The following ZNF710 variants were observed in gnomAD, a reference collection of about 807,000 sequenced individuals.
ZNF710 encodes the protein zinc finger protein 710.
A neutral mutation model predicts 50.6 loss-of-function variants in ZNF710; 13 were observed. That is an observed-to-expected ratio of 0.26 (90% CI 0.17 to 0.41). The LOEUF (loss-of-function observed/expected upper bound fraction) is 0.41, where lower values mean the gene tolerates loss of function less well. Ranked by LOEUF, ZNF710 falls within the 10% of genes least tolerant of loss-of-function variation. The pLI, the probability that ZNF710 is intolerant of heterozygous loss-of-function variation, is 1.00. For missense variants in ZNF710, 721 were observed against 936.6 expected, an observed-to-expected ratio of 0.77 and a Z score of 3.01; for synonymous variants, 383 against 397.0, an observed-to-expected ratio of 0.96 and a Z score of 0.42.
chr15:90,016,303 C>T (rs1173403902), intron 1 of ZNF710, among the ~76,000 whole-genome samples: 3 of 152,034 alleles, frequency 2.0e-5, no homozygotes, highest in Non-Finnish European at 4.4e-5. Context: ...ATTTTTAGAC[C>T]GAGAAACTGA....
chr15:90,081,310 C>G lies in ZNF710; in HGVS notation c.*1481C>G, dbSNP rs936535556. The G allele has an allele frequency of 6.6e-6, 1 of 152,142 alleles. No homozygotes were observed. Among genetic ancestry groups the G allele is most frequent in the Non-Finnish European group, 1.5e-5 (1 of 68,136 alleles). The allele number at this position is 152,142 out of a possible 1,614,324, so 9.4% of individuals were successfully genotyped here. On this transcript the variant is annotated 3_prime_UTR_variant, in exon 5 of 5. Coordinates refer to ENST00000268154, the MANE Select transcript of ZNF710 (RefSeq NM_198526.4). The stretch of plus-strand genomic sequence containing the variant: ...CAGTGAAATAGCACATTCAGGAACT[C>G]TAGGGCACCCGGACCCCCCCACCCA...
chr15:90,011,361 G>A lies in ZNF710; in HGVS notation c.-29+9747G>A, dbSNP rs143659994. ...TGGCCTCAACCCATGCTCCTGCCACGGCCTCCCAGAGTGTTGGGATTACAG... is the reference window on the plus strand; with the variant it reads ...TGGCCTCAACCCATGCTCCTGCCACAGCCTCCCAGAGTGTTGGGATTACAG... On this transcript the variant is annotated intron_variant, in intron 1 of 4. Coordinates refer to ENST00000268154, the MANE Select transcript of ZNF710 (RefSeq NM_198526.4). 3.3e-3 allele frequency among the ~76,000 whole-genome samples: 496 copies of A among 152,272 alleles called. 10 individuals are homozygous for A. Among genetic ancestry groups the A allele is most frequent in the Admixed American group, 0.025 (387 of 15,284 alleles).
intron 1 of ZNF710, among the ~76,000 whole-genome samples, chr15:90,007,392 G>C (rs1898166241): frequency 6.6e-6 from 1 of 151,988 alleles, no homozygotes; most frequent in Non-Finnish European, 1.5e-5. Context: ...TGAAATCAGG[G>C]GTCCTGGACT....
At chr15:90,008,746 A>C (rs1898221400) in intron 1 of ZNF710, among the ~76,000 whole-genome samples, 1 of 151,128 alleles carries the variant, frequency 6.6e-6, no homozygotes, top group African/African-American at 2.4e-5. Context: ...GCCTCAGTGT[A>C]CTCCAGCCTG....
chr15:90,053,640 G>T (rs1210721231), intron 1 of ZNF710, among the ~76,000 whole-genome samples: 1 of 152,174 alleles, frequency 6.6e-6, no homozygotes, highest in Non-Finnish European at 1.5e-5. Flanking sequence ...GCGCCAGTCA[G>T]CAGTGAATTC....
At chr15:90,055,756 T>C (rs12593037) in intron 1 of ZNF710, among the ~76,000 whole-genome samples, 56,687 of 152,100 alleles carry the variant, frequency 0.37, 14,145 homozygotes, top group East Asian at 0.74. Flanking sequence ...AGGCAAACAG[T>C]CTGGTGGGAG....
intron 1 of ZNF710, among the ~76,000 whole-genome samples, chr15:90,048,075 G>A (rs143884514): frequency 6.6e-6 from 1 of 152,248 alleles, no homozygotes; most frequent in African/African-American, 2.4e-5. Context: ...GCTGAAAGTT[G>A]GCCCAGGTTG....
chr15:90,032,505 C>T lies in ZNF710; in HGVS notation c.-29+30891C>T, dbSNP rs139110433. 1.6e-3 allele frequency among the ~76,000 whole-genome samples: 250 copies of T among 151,884 alleles called. 1 individual carries two copies. Among genetic ancestry groups the T allele is most frequent in the African/African-American group, 5.8e-3 (241 of 41,432 alleles). On this transcript the variant is annotated intron_variant, in intron 1 of 4. Coordinates refer to ENST00000268154, the MANE Select transcript of ZNF710 (RefSeq NM_198526.4). ...AAGAATGTGTGTTTGGGGCTGGGCACGGTGGCTCATGCCTGCAATCACAGC... is the reference window on the plus strand; with the variant it reads ...AAGAATGTGTGTTTGGGGCTGGGCATGGTGGCTCATGCCTGCAATCACAGC...
At chr15:90,011,322 T>A (rs1898297705) in intron 1 of ZNF710, among the ~76,000 whole-genome samples, 2 of 152,240 alleles carry the variant, frequency 1.3e-5, no homozygotes, top group African/African-American at 4.8e-5. Context: ...TTGCCCAGGC[T>A]GGTCTCGAAC....
At chr15:90,042,426 TC>T (rs1375604241) in intron 1 of ZNF710, among the ~76,000 whole-genome samples, 2 of 146,818 alleles carry the variant, frequency 1.4e-5, no homozygotes, top group Non-Finnish European at 3.0e-5. Context: ...CGCTTTATAA[TC>T]CCAGCCCACA....
In ZNF710 at chr15:90,030,329, C is replaced by CAAAAAAAAAA. The variant is rs10685083; in HGVS notation, c.-29+28730_-29+28739dup. ...GGGCAACAAGAGCAAAACTCCATCT[C>CAAAAAAAAAA]AAAAAAAAAAAAAAAAAAAAAAAAG... On this transcript the variant is annotated intron_variant, in intron 1 of 4. Coordinates refer to ENST00000268154, the MANE Select transcript of ZNF710 (RefSeq NM_198526.4). 1.7e-3 allele frequency among the ~76,000 whole-genome samples: 84 copies of CAAAAAAAAAA among 50,428 alleles called. 1 individual carries two copies. The highest frequency in any genetic ancestry group is 2.1e-3 in the Non-Finnish European group (60 of 28,150). The allele number at this position is 50,428 out of a possible 152,430, so 33.1% of individuals were successfully genotyped here. A position where few individuals can be genotyped will look rare whatever the true frequency, so the allele number is the denominator to read the frequency against.
intron 1 of ZNF710, among the ~76,000 whole-genome samples, chr15:90,020,608 G>A (rs1003122290): frequency 2.0e-5 from 3 of 152,258 alleles, no homozygotes; most frequent in Admixed American, 2.0e-4. Context: ...CGCCTCATGT[G>A]TGTTGGAAAT....
chr15:90,076,806 C>T (rs1388394707), intron 4 of ZNF710, among the ~76,000 whole-genome samples: 5 of 152,012 alleles, frequency 3.3e-5, no homozygotes, highest in Non-Finnish European at 7.4e-5. Flanking sequence ...TCGCCCCACC[C>T]CCATCCCACC....
At position 90,079,758 on chromosome 15, in the gene ZNF710, G is replaced by T; in HGVS notation, c.1924G>T (p.Asp642Tyr). 6.2e-7 allele frequency: 1 copy of T among 1,613,552 alleles called. No individual in the cohort carries two copies. The highest frequency in any genetic ancestry group is 8.5e-7 in the Non-Finnish European group (1 of 1,179,816). ...EENAYSYASV[D>Y]SSAEASVLTE... ...GAACGCCTACAGCTATGCGAGCGTG[G>T]ACAGCAGCGCCGAGGCCAGTGTCCT... The change falls in exon 5 of 5, where the codon GAC becomes TAC. Residue 642 changes from aspartate to tyrosine, a missense_variant. Transcript: ENST00000268154.
intron 1 of ZNF710, among the ~76,000 whole-genome samples, chr15:90,013,022 T>G (rs1203857647): frequency 6.6e-6 from 1 of 152,224 alleles, no homozygotes; most frequent in Non-Finnish European, 1.5e-5. Context: ...TTGTATTGTT[T>G]GATGCTTCTG....
chr15:90,013,366 GTAC>G (rs1303734151), intron 1 of ZNF710, among the ~76,000 whole-genome samples: 5 of 152,220 alleles, frequency 3.3e-5, no homozygotes, highest in Non-Finnish European at 5.9e-5. Flanking sequence ...GCCTCCCAAA[GTAC>G]TGGTATTACA....
chr15:90,068,628 T>C lies in ZNF710; in HGVS notation c.1458+33T>C. 1 of 1,543,150 alleles carries C rather than the reference T, an allele frequency of 6.5e-7. No homozygotes were observed. On this transcript the variant is annotated intron_variant, in intron 2 of 4. Transcript: ENST00000268154. This position sits in a 1 kb window ranked among gnomAD's most constrained non-coding sequence, Gnocchi z 5.0. ...CGTTCCCAGGGCCTGGGCATCTGCCTGCCCCTCCTGCCACTTTTTCATCCA... is the reference window on the plus strand; with the variant it reads ...CGTTCCCAGGGCCTGGGCATCTGCCCGCCCCTCCTGCCACTTTTTCATCCA...
chr15:90,044,480 G>T (rs8041309), intron 1 of ZNF710, among the ~76,000 whole-genome samples: 31,949 of 152,138 alleles, frequency 0.21, 3,965 homozygotes, highest in East Asian at 0.6. Context: ...CAGCTGAGCT[G>T]GATAACCCTC....
rs1899276643 is a variant in ZNF710, at chr15:90,040,899, C to T, written c.-28-26211C>T. ...ATCTCTCCACCACCCTATCATTCCT[C>T]CTCCTCCTCTCTTAGTTTTATCATT... On this transcript the variant is annotated intron_variant, in intron 1 of 4. Transcript: ENST00000268154. The surrounding 1 kb of genome is among the most constrained non-coding windows in gnomAD (Gnocchi z 4.6). Among the ~76,000 whole-genome samples the T allele has an allele frequency of 1.3e-5, 2 of 152,226 alleles. No homozygotes were observed. Among genetic ancestry groups the T allele is most frequent in the Middle Eastern group, 3.2e-3 (1 of 316 alleles).
Sources: gnomAD v4.1 joint callset for allele counts (sites outside exome capture counted in the v4.1 genomes callset) on GRCh38, gnomAD v4.1.1 for gene constraint, Gnocchi (gnomAD v3.1) non-coding constraint, MANE v1.5 for transcripts, NCBI Gene and HGNC (gene_info 2026-07-23, HGNC 2026-07-21) for gene names.